The following ENTPD1 variants were observed in gnomAD, a reference collection of about 807,000 sequenced individuals.
ENTPD1 encodes the protein ectonucleoside triphosphate diphosphohydrolase 1, also known as ATP diphosphohydrolase.
A neutral mutation model predicts 57.0 loss-of-function variants in ENTPD1; 33 were observed. The observed-to-expected ratio is 0.58, with a 90% CI of 0.44 to 0.77. The LOEUF (loss-of-function observed/expected upper bound fraction) is 0.77, where lower values mean the gene tolerates loss of function less well. Among genes scored for constraint, ENTPD1 ranks in the 30% least tolerant of loss-of-function variants. ENTPD1 has a pLI of 0.00. For synonymous variants in ENTPD1, 202 were observed against 218.8 expected (o/e 0.92, Z 0.68); for missense variants, 501 against 603.4 (o/e 0.83, Z 1.78).
chr10:95,713,724 T>C (rs2097968367), intron 1 of ENTPD1, among the ~76,000 whole-genome samples: 1 of 152,200 alleles, frequency 6.6e-6, no homozygotes, highest in African/African-American at 2.4e-5. Context: ...TTGTTATTGA[T>C]GGACAAATGT....
At chr10:95,711,917 A>T in exon 1 of ENTPD1, 1 of 1,612,380 alleles carries the variant, frequency 6.2e-7, no homozygotes, top group Non-Finnish European at 8.5e-7. Context: ...TGGTGCTGTG[A>T]ACAGGATACC....
chr10:95,773,693 G>A (rs10748644), intron 1 of ENTPD1, among the ~76,000 whole-genome samples: 126,180 of 152,184 alleles, frequency 0.83, 52,932 homozygotes, highest in African/African-American at 0.92. Context: ...ATAGTATTCC[G>A]TGGTGTATAT....
At chr10:95,741,512 A>G (rs925198433) in intron 1 of ENTPD1, among the ~76,000 whole-genome samples, 3 of 152,230 alleles carry the variant, frequency 2.0e-5, no homozygotes, top group Non-Finnish European at 2.9e-5. Context: ...AAGTGAGCAC[A>G]TGGTACTGCA....
At chr10:95,752,371 A>G (rs559841392), upstream of ENTPD1, among the ~76,000 whole-genome samples, 2 of 152,258 alleles carry the variant, frequency 1.3e-5, no homozygotes, top group African/African-American at 2.4e-5. Flanking sequence ...AAGTTACTAT[A>G]TTGCTGGGCC....
At chr10:95,732,841 G>A (rs999308156) in intron 1 of ENTPD1, among the ~76,000 whole-genome samples, 1 of 152,282 alleles carries the variant, frequency 6.6e-6, no homozygotes, top group South Asian at 2.1e-4. Context: ...TGTATGAATA[G>A]GGTATGGGTC....
intron 1 of ENTPD1, among the ~76,000 whole-genome samples, chr10:95,780,428 C>A (rs2098152461): frequency 6.6e-6 from 1 of 152,144 alleles, no homozygotes; most frequent in South Asian, 2.1e-4. Context: ...ATGAATGAAT[C>A]AATGAAGTTA....
At chr10:95,814,557 C>G (rs1485098857) in intron 1 of ENTPD1, among the ~76,000 whole-genome samples, 1 of 143,146 alleles carries the variant, frequency 7.0e-6, no homozygotes, top group Non-Finnish European at 1.6e-5. Flanking sequence ...TGTTCTGCAC[C>G]CCCACCCACA....
At chr10:95,821,996 C>CTTTTTTTTTT (rs71034351) in intron 1 of ENTPD1, among the ~76,000 whole-genome samples, 1 of 92,914 alleles carries the variant, frequency 1.1e-5, no homozygotes, top group Non-Finnish European at 2.0e-5. Flanking sequence ...TAGCTTTTGC[C>CTTTTTTTTTT]TTTTTTTTTT....
Position 95,869,875 on chromosome 10 carries a change from A to C in ENTPD1, c.*3492A>C. ...TTTCAAAATATTTTGTGTCTATTAC[A>C]TTTACAGCACATCTTAATTAGGACT... On this transcript the variant is annotated 3_prime_UTR_variant, in exon 10 of 10. Transcript: ENST00000371205. The C allele has an allele frequency of 1.2e-6, 1 of 813,262 alleles. No individual in the cohort carries two copies. Among genetic ancestry groups the C allele is most frequent in the Non-Finnish European group, 1.5e-6 (1 of 673,016 alleles). The allele number at this position is 813,262 out of a possible 1,614,324, so 50.4% of individuals were successfully genotyped here.
chr10:95,786,685 CCA>C lies in ENTPD1; in HGVS notation c.16+30432_16+30433del, dbSNP rs1260807650. Among the ~76,000 whole-genome samples, 3 of 152,242 alleles carry C rather than the reference CCA, an allele frequency of 2.0e-5. No homozygotes were observed. The East Asian group carries it at 5.8e-4, about 29-fold the overall frequency. ...TCAGCATATCTTAAAATGACAGAAA[CCA>C]CCTTATCCAACCTAGACTTTTCTGC... On this transcript the variant is annotated intron_variant, in intron 1 of 9. Coordinates refer to ENST00000371205, the MANE Select transcript of ENTPD1 (RefSeq NM_001776.6).
intron 1 of ENTPD1, among the ~76,000 whole-genome samples, chr10:95,802,279 G>A (rs117800263): frequency 0.034 from 5,138 of 152,264 alleles, 118 homozygotes; most frequent in Non-Finnish European, 0.049. Context: ...AAAAAGGAAT[G>A]TTCAGGTTAA....
At chr10:95,706,564 CAG>C in the ENTPD1 span, among the ~76,000 whole-genome samples, 1 of 152,190 alleles carries the variant, frequency 6.6e-6, no homozygotes, top group African/African-American at 2.4e-5. Flanking sequence ...CTCTTCTCTG[CAG>C]ACAGGTTGTT....
chr10:95,715,189 CT>C (rs1366943526), intron 1 of ENTPD1, among the ~76,000 whole-genome samples: 1 of 152,116 alleles, frequency 6.6e-6, no homozygotes, highest in Non-Finnish European at 1.5e-5. Context: ...GAGTCATACC[CT>C]CTTGTCTCTT....
intron 1 of ENTPD1, among the ~76,000 whole-genome samples, chr10:95,746,431 C>G (rs1484361950): frequency 6.6e-6 from 1 of 152,108 alleles, no homozygotes; most frequent in African/African-American, 2.4e-5. Context: ...CTTCTTAATG[C>G]TCTGGCAGCA....
intron 1 of ENTPD1, among the ~76,000 whole-genome samples, chr10:95,737,255 A>T (rs1292545597): frequency 6.6e-6 from 1 of 152,210 alleles, no homozygotes; most frequent in Non-Finnish European, 1.5e-5. Context: ...CAATGATGTC[A>T]TATGTAAATC....
the ENTPD1 span, among the ~76,000 whole-genome samples, chr10:95,706,342 C>T: frequency 1.3e-5 from 2 of 151,332 alleles, no homozygotes; most frequent in Admixed American, 6.7e-5. Context: ...GGTACACAGA[C>T]AAGTGAAGGA....
At chr10:95,770,256 A>AGTGTGTGTGTGTGTGTGT (rs1555282687) in intron 1 of ENTPD1, among the ~76,000 whole-genome samples, 2 of 135,008 alleles carry the variant, frequency 1.5e-5, no homozygotes, top group African/African-American at 2.7e-5. Context: ...TGAGTGAGTG[A>AGTGTGTGTGTGTGTGTGT]GTGTGTGTGT....
chr10:95,866,836 A>G lies in ENTPD1; in HGVS notation c.*453A>G, dbSNP rs1055328925. Reference sequence around the variant, plus strand: ...CTGTTTGCCATCCATTAAGAAAGCCATATGATGCCTTTGGAGAAGGCAGAC... The same window carrying G: ...CTGTTTGCCATCCATTAAGAAAGCCGTATGATGCCTTTGGAGAAGGCAGAC... On this transcript the variant is annotated 3_prime_UTR_variant, in exon 10 of 10. Transcript: ENST00000371205. 4.8e-6 allele frequency: 5 copies of G among 1,051,512 alleles called. No individual in the cohort carries two copies. The African/African-American group carries it at 8.5e-5, about 18-fold the overall frequency. The allele number at this position is 1,051,512 out of a possible 1,614,324, so 65.1% of individuals were successfully genotyped here. A position where few individuals can be genotyped will look rare whatever the true frequency, so the allele number is the denominator to read the frequency against.
At chr10:95,701,903 A>T in the ENTPD1 span, among the ~76,000 whole-genome samples, 1 of 152,158 alleles carries the variant, frequency 6.6e-6, no homozygotes, top group Non-Finnish European at 1.5e-5. Flanking sequence ...TAGAATACAT[A>T]GAACAAAGCC....
Sources: gnomAD v4.1 joint callset for allele counts (sites outside exome capture counted in the v4.1 genomes callset) on GRCh38, gnomAD v4.1.1 for gene constraint, MANE v1.5 for transcripts, NCBI Gene and HGNC (gene_info 2026-07-23, HGNC 2026-07-21) for gene names.